GIPR: variants seen among roughly 807,000 people sequenced by gnomAD.
GIPR encodes the protein gastric inhibitory polypeptide receptor.
In GIPR, 74 loss-of-function variants were observed where a neutral mutation model predicts 62.2. That is an observed-to-expected ratio of 1.19 (90% CI 0.99 to 1.44). The LOEUF (loss-of-function observed/expected upper bound fraction) is 1.44, where lower values mean the gene tolerates loss of function less well. Ranked by LOEUF, GIPR falls within the 40% of genes most tolerant of loss-of-function variation. The pLI is 0.00. For synonymous variants in GIPR, 256 were observed against 262.2 expected, an observed-to-expected ratio of 0.98 and a Z score of 0.23; for missense variants, 664 against 611.8, an observed-to-expected ratio of 1.09 and a Z score of -0.90.
chr19:45,671,234 C>A, intron 3 of GIPR, 51 bp from the exon 4 acceptor site: 1 of 1,058,612 alleles, frequency 9.4e-7, no homozygotes, highest in Non-Finnish European at 1.5e-6. Context: ...TAGCACTTGG[C>A]CCACTGCGCA....
rs182464281 is a variant in GIPR at position 45,680,692 on chromosome 19, G to A, written c.1153-912G>A. Among the ~76,000 whole-genome samples the A allele has an allele frequency of 5.3e-4, 80 of 151,856 alleles. 1 individual carries two copies. Among genetic ancestry groups the A allele is most frequent in the African/African-American group, 1.7e-3 (72 of 41,424 alleles). ...TAAAAACACAAAAAATTAGCTAGGC[G>A]TGGGGGCGCATGCCTGTAATCCCAG... On this transcript the variant is annotated intron_variant, in intron 12 of 13. Transcript: ENST00000590918.
At chr19:45,671,216 C>A in intron 3 of GIPR, 69 bp from the exon 4 acceptor site, 1 of 899,914 alleles carries the variant, frequency 1.1e-6, no homozygotes, top group South Asian at 1.4e-5. Flanking sequence ...ACTTGGCCCA[C>A]TGCGCAGTAG....
intron 5 of GIPR, among the ~76,000 whole-genome samples, chr19:45,673,419 CAAAAAAAAAAAA>C (rs71175203): frequency 2.4e-5 from 2 of 82,740 alleles, no homozygotes; most frequent in Admixed American, 1.4e-4. Flanking sequence ...GACTCCATCT[CAAAAAAAAAAAA>C]AAAAAAAAAA....
Position 45,678,109 on chromosome 19 carries a change from G to A in GIPR, c.1035G>A (p.Thr345=). The part of the protein sequence containing the change: ...YRLRLARSTL[T]LVPLLGVHEV... ...CCAGGCTGGCTCGCTCCACGCTGAC[G>A]CTGGTGCCCCTGCTGGGTGTCCACG... The change falls in exon 12 of 14, where the codon ACG becomes ACA. Residue 345 remains threonine, a synonymous_variant. Coordinates refer to ENST00000590918, the MANE Select transcript of GIPR (RefSeq NM_000164.4). 6.2e-7 allele frequency: 1 copy of A among 1,612,662 alleles called. No homozygotes were observed. Among genetic ancestry groups the A allele is most frequent in the Non-Finnish European group, 8.5e-7 (1 of 1,179,882 alleles).
chr19:45,678,946 A>C (rs1967096017), intron 12 of GIPR, among the ~76,000 whole-genome samples: 1 of 152,222 alleles, frequency 6.6e-6, no homozygotes, highest in African/African-American at 2.4e-5. Context: ...GGCCCACCTT[A>C]CACTTGCTTG....
chr19:45,677,010 C>A lies in GIPR; in HGVS notation c.695C>A (p.Thr232Lys), dbSNP rs78464711. The change falls in exon 8 of 14, where the codon ACG becomes AAG. Residue 232 changes from threonine (T) to lysine (K), a missense_variant. Thr to Lys is a moderately conservative substitution (Grantham distance 78, BLOSUM62 -1). Transcript: ENST00000590918. ...VTQYCVGANY[T>K]WLLVEGVYLH... ...CAGTACTGCGTGGGTGCCAACTACA[C>A]GTGGCTGCTGGTGGAGGGCGTCTAC... 3 of 1,613,976 alleles carry A rather than the reference C, an allele frequency of 1.9e-6. No homozygotes were observed. The highest frequency in any genetic ancestry group is 3.3e-5 in the Admixed American group (2 of 60,016).
At chr19:45,678,786 G>A (rs1174341997) in intron 12 of GIPR, among the ~76,000 whole-genome samples, 8 of 152,244 alleles carry the variant, frequency 5.3e-5, no homozygotes, top group Admixed American at 2.6e-4. Flanking sequence ...TGAGGGCTTC[G>A]AAGCTGGACA....
chr19:45,675,574 C>CAAAAAAAAAAAAAAA lies in GIPR; in HGVS notation c.633+755_633+769dup, dbSNP rs35162445. ...TGGGTGACAGAGCAAGACTCCATCG[C>CAAAAAAAAAAAAAAA]AAAAAAAAAAAAAAAAAAAAAGCCA... On this transcript the variant is annotated intron_variant, in intron 7 of 13. Transcript: ENST00000590918. Among the ~76,000 whole-genome samples, 2 of 48,648 alleles carry CAAAAAAAAAAAAAAA rather than the reference C, an allele frequency of 4.1e-5. 1 individual carries two copies. The highest frequency in any genetic ancestry group is 1.8e-4 in the African/African-American group (2 of 11,060). The allele number at this position is 48,648 out of a possible 152,430, so 31.9% of individuals were successfully genotyped here.
intron 6 of GIPR, 73 bp from the exon 7 acceptor site, chr19:45,674,609 A>C: frequency 1.4e-6 from 2 of 1,464,424 alleles, no homozygotes; most frequent in Non-Finnish European, 1.9e-6. Flanking sequence ...CCTGTTTAAA[A>C]AAAAAAATAG....
rs1966951942 is a variant in GIPR, at chr19:45,676,815, C to T, written c.634-134C>T. ...GGGTGAGAGAAACCAATCACAGATA[C>T]CATTCACTGGGGACACAGAGTGGAA... On this transcript the variant is annotated intron_variant, in intron 7 of 13. Coordinates refer to ENST00000590918, the MANE Select transcript of GIPR (RefSeq NM_000164.4). The T allele has an allele frequency of 1.1e-5, 9 of 784,750 alleles. No individual in the cohort carries two copies. In the Admixed American group the frequency reaches 1.3e-4, roughly 12 times the overall value. 48.6% of individuals were successfully genotyped at this position (784,750 alleles called of 1,614,324 possible). A position where few individuals can be genotyped will look rare whatever the true frequency, so the allele number is the denominator to read the frequency against.
Position 45,678,086 on chromosome 19 carries a change from AG to A in GIPR, c.1014del. 6.2e-7 allele frequency: 1 copy of A among 1,612,552 alleles called. No individual in the cohort carries two copies. Among genetic ancestry groups the A allele is most frequent in the Non-Finnish European group, 8.5e-7 (1 of 1,179,982 alleles). On this transcript the variant is annotated splice_acceptor_variant, in intron 11 of 13. Coordinates refer to ENST00000590918, the MANE Select transcript of GIPR (RefSeq NM_000164.4). LOFTEE classifies it high-confidence loss of function. ...ATCACTGCTGCCGCCCTCTCTCCCCAGGCTGGCTCGCTCCACGCTGACGCTG... is the reference window on the plus strand; with the variant it reads ...ATCACTGCTGCCGCCCTCTCTCCCCAGCTGGCTCGCTCCACGCTGACGCTG...
chr19:45,679,182 T>C (rs933512424), intron 12 of GIPR, among the ~76,000 whole-genome samples: 2 of 152,064 alleles, frequency 1.3e-5, no homozygotes, highest in African/African-American at 2.4e-5. Flanking sequence ...AAACACACTA[T>C]AGAAGTAAGG....
In GIPR at chr19:45,674,843, C is replaced by T. The variant is rs776499106; in HGVS notation, c.633+17C>T. On this transcript the variant is annotated intron_variant, in intron 7 of 13. Coordinates refer to ENST00000590918, the MANE Select transcript of GIPR (RefSeq NM_000164.4). ...TGGAACCAGGTGGGCATCCTCCTTC[C>T]GTTCCTCCAAATGGGAATCTTGCTT... 36 of 1,612,476 alleles carry T rather than the reference C, an allele frequency of 2.2e-5. No homozygotes were observed. Among genetic ancestry groups the T allele is most frequent in the African/African-American group, 4.0e-5 (3 of 74,864 alleles).
intron 12 of GIPR, among the ~76,000 whole-genome samples, chr19:45,678,703 C>G (rs1346873225): frequency 2.6e-5 from 4 of 152,196 alleles, no homozygotes; most frequent in East Asian, 1.9e-4. Context: ...TAGGACTGTC[C>G]TGGGCTGTGG....
intron 5 of GIPR, among the ~76,000 whole-genome samples, chr19:45,673,488 C>T (rs1325340456): frequency 6.7e-6 from 1 of 149,872 alleles, no homozygotes; most frequent in African/African-American, 2.5e-5. Context: ...GCCTATAATT[C>T]CAACACTTTG....
At position 45,677,780 on chromosome 19, in the gene GIPR, G is replaced by A; in HGVS notation, c.924+1G>A. 1 of 1,612,578 alleles carries A rather than the reference G, an allele frequency of 6.2e-7. No individual in the cohort carries two copies. ...GACCCCCATCCTCATGACCATCTTGGTAGGATCGGTCCCGCCTCCACCAGG... is the reference window on the plus strand; with the variant it reads ...GACCCCCATCCTCATGACCATCTTGATAGGATCGGTCCCGCCTCCACCAGG... On this transcript the variant is annotated splice_donor_variant, in intron 10 of 13. Transcript: ENST00000590918. LOFTEE classifies it high-confidence loss of function.
At chr19:45,672,767 C>A (rs1975608453) in intron 4 of GIPR, 84 bp from the exon 5 acceptor site, 2 of 803,340 alleles carry the variant, frequency 2.5e-6, no homozygotes, top group Non-Finnish European at 4.4e-6. Flanking sequence ...GGCTCTCTCC[C>A]TCTCTGTTAT....
chr19:45,675,760 C>T (rs1975816564), intron 7 of GIPR, among the ~76,000 whole-genome samples: 1 of 151,886 alleles, frequency 6.6e-6, no homozygotes, highest in Non-Finnish European at 1.5e-5. Context: ...TGGCGGCCCT[C>T]GCCTGTACTC....
In GIPR at chr19:45,681,660, G is replaced by A; in HGVS notation, c.1194+15G>A. On this transcript the variant is annotated intron_variant, in intron 13 of 13. Transcript: ENST00000590918. ...TCAACAAGGAGGTAGGCAGAGACCC[G>A]GCCGCCGCCCCCGCCCTCTGGCGGC... is the stretch of plus-strand genomic sequence containing the variant. The A allele has an allele frequency of 1.2e-6, 2 of 1,613,388 alleles. No individual in the cohort carries two copies. The highest frequency in any genetic ancestry group is 1.7e-6 in the Non-Finnish European group (2 of 1,179,636).
Sources: allele counts gnomAD v4.1 joint callset (sites outside exome capture counted in the v4.1 genomes callset), GRCh38; gene constraint gnomAD v4.1.1; transcripts MANE v1.5; gene names NCBI Gene and HGNC (gene_info 2026-07-23, HGNC 2026-07-21).